The following TMEM135 variants were observed in gnomAD, a reference collection of about 807,000 sequenced individuals.
TMEM135 encodes transmembrane protein 135, also known as peroxisomal membrane protein 52.
Under a neutral mutation model 60.3 loss-of-function variants are expected in TMEM135, and 30 were observed. The observed-to-expected ratio is 0.50, with a 90% CI of 0.37 to 0.68. The LOEUF (loss-of-function observed/expected upper bound fraction) is 0.68. Among genes scored for constraint, TMEM135 ranks in the 30% least tolerant of loss-of-function variants. The pLI is 0.00. For missense variants in TMEM135, 468 were observed against 548.8 expected (o/e 0.85, Z 1.47); for synonymous variants, 190 against 186.7 (o/e 1.02, Z -0.14).
chr11:87,114,757 T>C (rs1857836148), intron 4 of TMEM135, among the ~76,000 whole-genome samples: 1 of 152,160 alleles, frequency 6.6e-6, no homozygotes, highest in Non-Finnish European at 1.5e-5. Context: ...GTAAACAAGG[T>C]GGGCAAAAGA....
At chr11:87,120,796 A>G (rs1858036572) in intron 4 of TMEM135, among the ~76,000 whole-genome samples, 1 of 152,270 alleles carries the variant, frequency 6.6e-6, no homozygotes, top group Non-Finnish European at 1.5e-5. Context: ...ATTAATTATA[A>G]TCGTTTAAAG....
At chr11:87,146,085 A>G (rs1468092543) in intron 4 of TMEM135, among the ~76,000 whole-genome samples, 1 of 152,080 alleles carries the variant, frequency 6.6e-6, no homozygotes, top group African/African-American at 2.4e-5. Flanking sequence ...TCTTTAATCC[A>G]TTTTTCACTG....
At chr11:87,103,627 A>G (rs987428689) in intron 4 of TMEM135, among the ~76,000 whole-genome samples, 2 of 151,732 alleles carry the variant, frequency 1.3e-5, no homozygotes, top group African/African-American at 4.8e-5. Flanking sequence ...TATAATTTGC[A>G]AATATTTTCT....
intron 1 of TMEM135, among the ~76,000 whole-genome samples, chr11:87,044,007 T>A (rs1361428514): frequency 6.6e-6 from 1 of 152,128 alleles, no homozygotes; most frequent in African/African-American, 2.4e-5. Context: ...GAGTCCAAAG[T>A]AGAATCTTTT....
At chr11:87,071,673 AAT>A in intron 3 of TMEM135, 58 bp downstream of exon 3, 1 of 1,316,436 alleles carries the variant, frequency 7.6e-7, no homozygotes, top group Non-Finnish European at 1.0e-6. Flanking sequence ...CCCCAACTAT[AAT>A]TTTTTTTTTT....
At chr11:87,288,029 C>T (rs543072265) in intron 6 of TMEM135, among the ~76,000 whole-genome samples, 3 of 152,020 alleles carry the variant, frequency 2.0e-5, no homozygotes, top group African/African-American at 7.2e-5. Flanking sequence ...GTGATGTAGC[C>T]CCATAGAAAG....
chr11:87,130,730 G>A (rs1003624062), intron 4 of TMEM135, among the ~76,000 whole-genome samples: 2 of 152,026 alleles, frequency 1.3e-5, no homozygotes, highest in East Asian at 3.9e-4. Context: ...TTGAGCTCCT[G>A]GCCTCAAGCG....
chr11:87,237,286 T>A lies in TMEM135; in HGVS notation c.509+602T>A, dbSNP rs138340619. Among the ~76,000 whole-genome samples, 281 of 152,116 alleles carry A rather than the reference T, an allele frequency of 1.8e-3. 1 individual carries two copies. The highest frequency in any genetic ancestry group is 2.9e-3 in the Non-Finnish European group (196 of 67,934). ...TCGTATAATCCCAGCAGTGTGCGAA[T>A]GATTTTTGATTAGGGAGAGTCCCCT... On this transcript the variant is annotated intron_variant, in intron 6 of 14. Coordinates refer to ENST00000305494, the MANE Select transcript of TMEM135 (RefSeq NM_022918.4).
At chr11:87,312,810 C>T (rs1956424152) in intron 10 of TMEM135, among the ~76,000 whole-genome samples, 1 of 151,722 alleles carries the variant, frequency 6.6e-6, no homozygotes. Context: ...GTTTGCTGAC[C>T]CCTATTTTAG....
In TMEM135 at chr11:87,327,405, C is replaced by T. The variant is rs1167446897; in HGVS notation, c.*6072C>T. The T allele has an allele frequency of 2.2e-6, 1 of 454,030 alleles. No homozygotes were observed. Among genetic ancestry groups the T allele is most frequent in the Non-Finnish European group, 4.4e-6 (1 of 226,788 alleles). 28.1% of individuals were successfully genotyped at this position (454,030 alleles called of 1,614,324 possible). The stretch of plus-strand genomic sequence containing the variant: ...AATAGAAAGAACCTGCTTCTGTGAG[C>T]CACTGAATGGTGCCATTAACCATCT... On this transcript the variant is annotated 3_prime_UTR_variant, in exon 15 of 15. Coordinates refer to ENST00000305494, the MANE Select transcript of TMEM135 (RefSeq NM_022918.4).
rs1942911792 is a variant in TMEM135, at chr11:87,326,283, G to T, written c.*4950G>T. The T allele has an allele frequency of 4.4e-6, 2 of 453,890 alleles. No individual in the cohort carries two copies. The highest frequency in any genetic ancestry group is 2.4e-5 in the Admixed American group (1 of 42,534). 28.1% of individuals were successfully genotyped at this position (453,890 alleles called of 1,614,324 possible). The stretch of plus-strand genomic sequence containing the variant: ...CTCAGCATCCCTTTCTGTCTTGAGA[G>T]ATTCAGGCTTCCATAAAGTAGACCT... On this transcript the variant is annotated 3_prime_UTR_variant, in exon 15 of 15. Coordinates refer to ENST00000305494, the MANE Select transcript of TMEM135 (RefSeq NM_022918.4).
chr11:87,258,893 C>G, intron 6 of TMEM135: 1 of 1,088,354 alleles, frequency 9.2e-7, no homozygotes, highest in South Asian at 1.2e-5. Context: ...TGCATTCTTC[C>G]TGAGAGCCCT....
intron 6 of TMEM135, among the ~76,000 whole-genome samples, chr11:87,244,642 G>A (rs1240865449): frequency 1.2e-5 from 1 of 83,244 alleles, no homozygotes; most frequent in Admixed American, 1.0e-4. Flanking sequence ...TTGCGTAGAG[G>A]TGTTTGTAGT....
intron 7 of TMEM135, among the ~76,000 whole-genome samples, chr11:87,298,562 G>A (rs1482503315): frequency 6.6e-6 from 1 of 151,948 alleles, no homozygotes; most frequent in Non-Finnish European, 1.5e-5. Context: ...GCCAAGGCGG[G>A]CAATCACTTA....
At chr11:87,257,611 A>G (rs1941554810) in intron 6 of TMEM135, among the ~76,000 whole-genome samples, 1 of 152,190 alleles carries the variant, frequency 6.6e-6, no homozygotes. Flanking sequence ...TGTTTTTATT[A>G]TTTAAATCTA....
rs1267507311 is a variant in TMEM135, at chr11:87,325,061, G to A, written c.*3728G>A. ...TACTATTGGTGCTGAAGCCACCATT[G>A]GTGCCAGCTCTATAATTTCTTCTTC... On this transcript the variant is annotated 3_prime_UTR_variant, in exon 15 of 15. Transcript: ENST00000305494. 2.2e-6 allele frequency: 1 copy of A among 453,918 alleles called. No homozygotes were observed. Among genetic ancestry groups the A allele is most frequent in the Non-Finnish European group, 4.4e-6 (1 of 226,778 alleles). The allele number at this position is 453,918 out of a possible 1,614,324, so 28.1% of individuals were successfully genotyped here.
intron 5 of TMEM135, among the ~76,000 whole-genome samples, chr11:87,232,988 TA>T (rs1322705000): frequency 6.6e-6 from 1 of 152,042 alleles, no homozygotes; most frequent in African/African-American, 2.4e-5. Context: ...CCATCTCTAC[TA>T]AAAATACAAA....
At chr11:87,207,339 G>A (rs1033040755) in intron 5 of TMEM135, among the ~76,000 whole-genome samples, 2 of 152,066 alleles carry the variant, frequency 1.3e-5, no homozygotes, top group Admixed American at 6.5e-5. Context: ...TGGAAGTTCC[G>A]CTGTGACTCT....
At chr11:87,122,437 A>ATATTTATTTATT (rs1555106784) in intron 4 of TMEM135, among the ~76,000 whole-genome samples, 9,802 of 144,856 alleles carry the variant, frequency 0.068, 382 homozygotes, top group African/African-American at 0.093. Context: ...TTTAGTTTTT[A>ATATTTATTTATT]TATTTATTTA....
Sources: gnomAD v4.1 joint callset for allele counts (sites outside exome capture counted in the v4.1 genomes callset) on GRCh38, gnomAD v4.1.1 for gene constraint, MANE v1.5 for transcripts, NCBI Gene and HGNC (gene_info 2026-07-23, HGNC 2026-07-21) for gene names.